ITGA1: variants seen among roughly 807,000 people sequenced by gnomAD.
ITGA1 encodes the protein integrin alpha-1.
Under a neutral mutation model 145.9 loss-of-function variants are expected in ITGA1, and 85 were observed. That is an observed-to-expected ratio of 0.58 (90% confidence interval 0.49 to 0.70). ITGA1 has a LOEUF of 0.70. Ranked by LOEUF, ITGA1 falls within the 30% of genes least tolerant of loss-of-function variation. ITGA1 has a pLI of 0.00. For missense variants in ITGA1, 1,351 were observed against 1,418.7 expected (o/e 0.95, Z 0.77); for synonymous variants, 520 against 495.3 (o/e 1.05, Z -0.66).
chr5:52,792,430 G>A lies in ITGA1; in HGVS notation c.61+4016G>A, dbSNP rs1451476950. ...AATTCACGGGATTTTTGTTTGTTTA[G>A]TAAACAGGCAATGAGAGTAACCATG... On this transcript the variant is annotated intron_variant, in intron 1 of 28. Coordinates refer to ENST00000282588, the MANE Select transcript of ITGA1 (RefSeq NM_181501.2). Among the ~76,000 whole-genome samples the A allele has an allele frequency of 4.6e-5, 7 of 152,184 alleles. No homozygotes were observed. The East Asian group carries it at 1.3e-3, about 29-fold the overall frequency.
intron 1 of ITGA1, among the ~76,000 whole-genome samples, chr5:52,798,542 A>G (rs988567643): frequency 2.0e-5 from 3 of 152,200 alleles, no homozygotes; most frequent in African/African-American, 7.2e-5. Flanking sequence ...CTTTCTGGGA[A>G]GATGATTTTG....
chr5:52,849,300 A>G lies in ITGA1; in HGVS notation c.62-65A>G, dbSNP rs16880359. The G allele has an allele frequency of 1.3e-3, 1,881 of 1,400,914 alleles. 21 individuals carry two copies. The African/African-American group carries it at 0.024, about 18-fold the overall frequency. The allele number at this position is 1,400,914 out of a possible 1,614,324, so 86.8% of individuals were successfully genotyped here. A position where few individuals can be genotyped will look rare whatever the true frequency, so the allele number is the denominator to read the frequency against. On this transcript the variant is annotated intron_variant, in intron 1 of 28. Coordinates refer to ENST00000282588, the MANE Select transcript of ITGA1 (RefSeq NM_181501.2). The stretch of plus-strand genomic sequence containing the variant: ...GATGGTAACCTTAACCATGCCTTCC[A>G]TAACTCAAAACATGATGGACTCTTA...
chr5:52,911,296 GTA>G (rs1256389715), intron 14 of ITGA1, among the ~76,000 whole-genome samples: 2 of 133,066 alleles, frequency 1.5e-5, no homozygotes, highest in East Asian at 4.4e-4. Context: ...TATATACAGT[GTA>G]TATATAGTAT....
chr5:52,849,839 T>C (rs1392613279), intron 2 of ITGA1, among the ~76,000 whole-genome samples: 2 of 152,142 alleles, frequency 1.3e-5, no homozygotes, highest in East Asian at 3.8e-4. Flanking sequence ...TAGGAAGGAT[T>C]CGGAGGCAAA....
chr5:52,911,270 T>A (rs557414902), intron 14 of ITGA1, among the ~76,000 whole-genome samples: 136 of 135,830 alleles, frequency 1.0e-3, no homozygotes, highest in Non-Finnish European at 1.6e-3. Context: ...ATATAGTATA[T>A]GTAGTGTATA....
intron 1 of ITGA1, among the ~76,000 whole-genome samples, chr5:52,834,181 T>C (rs537948450): frequency 1.3e-5 from 2 of 152,300 alleles, no homozygotes; most frequent in East Asian, 3.9e-4. Flanking sequence ...ATCACTTCTG[T>C]TCAAGTTCAC....
chr5:52,870,930 A>G (rs1308587754), intron 6 of ITGA1, among the ~76,000 whole-genome samples: 1 of 152,232 alleles, frequency 6.6e-6, no homozygotes, highest in Non-Finnish European at 1.5e-5. Flanking sequence ...GTACATACCT[A>G]TTAGGACCTG....
chr5:52,888,459 C>A (rs953917592), intron 8 of ITGA1, among the ~76,000 whole-genome samples: 3 of 152,130 alleles, frequency 2.0e-5, no homozygotes, highest in Admixed American at 6.5e-5. Context: ...ATTATCTTCC[C>A]CCATCACTTA....
chr5:52,955,698 G>A lies in ITGA1; in HGVS notation c.*3247G>A, dbSNP rs1179394969. 1 of 152,098 alleles carries A rather than the reference G, an allele frequency of 6.6e-6. No individual in the cohort carries two copies. Among genetic ancestry groups the A allele is most frequent in the Non-Finnish European group, 1.5e-5 (1 of 68,026 alleles). 9.4% of individuals were successfully genotyped at this position (152,098 alleles called of 1,614,324 possible). On this transcript the variant is annotated 3_prime_UTR_variant, in exon 29 of 29. Transcript: ENST00000282588. Reference sequence around the variant, plus strand: ...TTTCCCAAGGAATTCAAAGTCCTGTGATACACATTACAAAAGATGACACTT... The same window carrying A: ...TTTCCCAAGGAATTCAAAGTCCTGTAATACACATTACAAAAGATGACACTT...
chr5:52,922,299 TCAAACAAA>T (rs5867848), intron 17 of ITGA1, among the ~76,000 whole-genome samples: 39,508 of 150,852 alleles, frequency 0.26, 5,503 homozygotes, highest in South Asian at 0.37. Flanking sequence ...AGACTCTGTC[TCAAACAAA>T]CAAACAAACA....
intron 14 of ITGA1, among the ~76,000 whole-genome samples, chr5:52,911,719 A>T (rs182291554): frequency 1.6e-5 from 2 of 124,060 alleles, no homozygotes; most frequent in African/African-American, 7.5e-5. Flanking sequence ...TATATATACT[A>T]TACATATAGT....
At chr5:52,911,257 T>C (rs1427248921) in intron 14 of ITGA1, among the ~76,000 whole-genome samples, 1 of 136,334 alleles carries the variant, frequency 7.3e-6, no homozygotes, top group Non-Finnish European at 1.5e-5. Context: ...ATATACAGTG[T>C]ATATATAGTA....
In ITGA1 at chr5:52,937,521, C is replaced by A; in HGVS notation, c.3078+7C>A. 6.6e-7 allele frequency: 1 copy of A among 1,503,854 alleles called. No homozygotes were observed. Among genetic ancestry groups the A allele is most frequent in the Non-Finnish European group, 9.3e-7 (1 of 1,080,454 alleles). The allele number at this position is 1,503,854 out of a possible 1,614,324, so 93.2% of individuals were successfully genotyped here. On this transcript the variant is annotated splice_region_variant and intron_variant, in intron 24 of 28. Coordinates refer to ENST00000282588, the MANE Select transcript of ITGA1 (RefSeq NM_181501.2). ...TGGATTGTCATCTTCTGAGGTAAGT[C>A]ATGTGTGCCTTGGAATTATGTCATT... is the stretch of plus-strand genomic sequence containing the variant.
At position 52,889,055 on chromosome 5, in the gene ITGA1, T is replaced by C. The variant is rs543296839; in HGVS notation, c.924+1090T>C. Among the ~76,000 whole-genome samples the C allele has an allele frequency of 2.6e-4, 40 of 152,270 alleles. No individual in the cohort carries two copies. In the South Asian group the frequency reaches 8.1e-3, roughly 31 times the overall value. ...TGCCTTCAAGACTCACTTTCTCACA[T>C]TAACATTGAGTGTACATTATAGTAT... On this transcript the variant is annotated intron_variant, in intron 8 of 28. Transcript: ENST00000282588.
At chr5:52,900,842 T>C (rs1262370262) in intron 11 of ITGA1, among the ~76,000 whole-genome samples, 1 of 152,254 alleles carries the variant, frequency 6.6e-6, no homozygotes, top group African/African-American at 2.4e-5. Context: ...TTTAGTACTG[T>C]GCCTGACACA....
Position 52,957,778 on chromosome 5 carries a change from A to G in ITGA1, c.*5327A>G, listed in dbSNP as rs1214971660. On this transcript the variant is annotated 3_prime_UTR_variant, in exon 29 of 29. Coordinates refer to ENST00000282588, the MANE Select transcript of ITGA1 (RefSeq NM_181501.2). ...AGATCCTTTAATTATCTGACACACC[A>G]GGGAAATCTTGGCAATCAACTAAGG... 6.6e-6 allele frequency: 1 copy of G among 152,212 alleles called. No homozygotes were observed. The highest frequency in any genetic ancestry group is 1.9e-4 in the East Asian group (1 of 5,198). The allele number at this position is 152,212 out of a possible 1,614,324, so 9.4% of individuals were successfully genotyped here.
At chr5:52,914,288 T>A (rs1409708355) in intron 14 of ITGA1, among the ~76,000 whole-genome samples, 1 of 152,122 alleles carries the variant, frequency 6.6e-6, no homozygotes, top group East Asian at 1.9e-4. Context: ...TAATCCAGAA[T>A]CAATCAAGCC....
intron 23 of ITGA1, 31 bp downstream of exon 23, chr5:52,934,027 A>G: frequency 1.1e-6 from 1 of 910,280 alleles, no homozygotes; most frequent in Non-Finnish European, 1.6e-6. Flanking sequence ...TAGTATTCTA[A>G]AGGAGTTATT....
chr5:52,851,709 G>A (rs1749434775), intron 2 of ITGA1, among the ~76,000 whole-genome samples: 1 of 152,290 alleles, frequency 6.6e-6, no homozygotes, highest in South Asian at 2.1e-4. Context: ...GTGAGGTAAT[G>A]TTAATAAGAG....
Sources: allele counts gnomAD v4.1 joint callset (sites outside exome capture counted in the v4.1 genomes callset), GRCh38; gene constraint gnomAD v4.1.1; transcripts MANE v1.5; gene names NCBI Gene and HGNC (gene_info 2026-07-23, HGNC 2026-07-21).